Variants in RBM19 observed in about 807,000 individuals in gnomAD.
RBM19 encodes the protein probable RNA-binding protein 19.
Under a neutral mutation model 116.8 loss-of-function variants are expected in RBM19, and 94 were observed. The ratio of observed to expected loss-of-function variants is 0.80; its 90% confidence interval spans 0.68 to 0.95. The LOEUF (loss-of-function observed/expected upper bound fraction) is 0.95, where lower values mean the gene tolerates loss of function less well. RBM19 is among the 40% of genes least tolerant of loss of function. The probability of loss-of-function intolerance (pLI) is 0.00; values close to 1 mark genes in which losing one functional copy is unlikely to be tolerated. For synonymous variants in RBM19, 475 were observed against 494.1 expected (o/e 0.96, Z 0.51); for missense variants, 1,161 against 1,220.7 (o/e 0.95, Z 0.73).
In RBM19 at chr12:113,942,959, C is replaced by T. The variant is rs559996732; in HGVS notation, c.1627-525G>A. Among the ~76,000 whole-genome samples, 41 of 152,260 alleles carry T rather than the reference C, an allele frequency of 2.7e-4. No individual in the cohort carries two copies. In the South Asian group the frequency reaches 8.1e-3, roughly 30 times the overall value. ...GTCTCTCACAGTAGATCTGGGACCC[C>T]AGGGTCCCCTCTCCTGCACTCCCTC... On this transcript the variant is annotated intron_variant, in intron 13 of 23. Coordinates refer to ENST00000261741, the MANE Select transcript of RBM19 (RefSeq NM_016196.4).
intron 8 of RBM19, among the ~76,000 whole-genome samples, chr12:113,951,152 C>A (rs1871429922): frequency 6.6e-6 from 1 of 152,142 alleles, no homozygotes. Flanking sequence ...CTACTTCAGC[C>A]TCCTGAGTAG....
chr12:113,912,679 G>GC (rs568035665), intron 21 of RBM19, among the ~76,000 whole-genome samples: 117 of 152,340 alleles, frequency 7.7e-4, no homozygotes, highest in African/African-American at 2.7e-3. Context: ...CCCGCACACA[G>GC]CAAGCGTGTA....
intron 8 of RBM19, among the ~76,000 whole-genome samples, chr12:113,951,505 A>G (rs565983447): frequency 1.3e-5 from 2 of 151,930 alleles, no homozygotes; most frequent in South Asian, 4.2e-4. Context: ...CAACTTGGTG[A>G]GACAGGTTTA....
chr12:113,871,834 C>T (rs1593512322), intron 21 of RBM19, among the ~76,000 whole-genome samples: 1 of 152,206 alleles, frequency 6.6e-6, no homozygotes, highest in African/African-American at 2.4e-5. Context: ...GAGCGCCGCC[C>T]GGGAGGCAGC....
chr12:113,846,510 T>C (rs1876987091), intron 22 of RBM19, among the ~76,000 whole-genome samples: 1 of 152,172 alleles, frequency 6.6e-6, no homozygotes, highest in Non-Finnish European at 1.5e-5. Context: ...TGTCATTGGA[T>C]GGCCATGTGA....
chr12:113,869,520 T>C (rs1015767121), intron 21 of RBM19, among the ~76,000 whole-genome samples: 10 of 152,130 alleles, frequency 6.6e-5, no homozygotes, highest in African/African-American at 2.4e-4. Flanking sequence ...TCTCCCCCAC[T>C]TTCTCCCCCT....
At chr12:113,961,506 T>C (rs560112445) in intron 2 of RBM19, among the ~76,000 whole-genome samples, 9 of 152,234 alleles carry the variant, frequency 5.9e-5, no homozygotes, top group Non-Finnish European at 1.2e-4. Context: ...TCCTATCCTA[T>C]GGCCTTCTAT....
intron 14 of RBM19, among the ~76,000 whole-genome samples, chr12:113,940,640 G>C (rs746074956): frequency 2.6e-5 from 4 of 152,196 alleles, no homozygotes; most frequent in Non-Finnish European, 5.9e-5. Flanking sequence ...AGTGCTGCAG[G>C]CTTTCCCCTA....
chr12:113,948,625 T>C (rs1394407157), intron 10 of RBM19, among the ~76,000 whole-genome samples: 2 of 152,186 alleles, frequency 1.3e-5, no homozygotes, highest in South Asian at 2.1e-4. Context: ...TAATACCTTT[T>C]ACTTCCTGCC....
intron 23 of RBM19, among the ~76,000 whole-genome samples, chr12:113,833,123 G>C (rs867743816): frequency 6.6e-6 from 1 of 152,060 alleles, no homozygotes; most frequent in African/African-American, 2.4e-5. Flanking sequence ...ACTTCAACAC[G>C]TTCAGAACAC....
intron 21 of RBM19, among the ~76,000 whole-genome samples, chr12:113,892,400 G>A (rs1382181882): frequency 6.6e-6 from 1 of 152,178 alleles, no homozygotes; most frequent in Non-Finnish European, 1.5e-5. Flanking sequence ...GTTGCCCAGT[G>A]GGGACTGGGG....
chr12:113,960,764 A>C (rs576935430), intron 2 of RBM19, among the ~76,000 whole-genome samples: 1 of 152,300 alleles, frequency 6.6e-6, no homozygotes, highest in African/African-American at 2.4e-5. Flanking sequence ...TAATTATCAT[A>C]AAGTAAGCTC....
chr12:113,860,884 C>A (rs947720894), intron 21 of RBM19, among the ~76,000 whole-genome samples: 1 of 152,118 alleles, frequency 6.6e-6, no homozygotes, highest in Admixed American at 6.5e-5. Context: ...AGGGTAGAAG[C>A]CTGAAGGTGT....
At chr12:113,928,625 A>ATATGTGTG in intron 16 of RBM19, among the ~76,000 whole-genome samples, 1 of 120,426 alleles carries the variant, frequency 8.3e-6, no homozygotes, top group African/African-American at 3.0e-5. Flanking sequence ...TTAGCAAGGG[A>ATATGTGTG]TGTGTGTGTG....
intron 20 of RBM19, among the ~76,000 whole-genome samples, chr12:113,917,858 A>G (rs1294747044): frequency 6.6e-6 from 1 of 152,254 alleles, no homozygotes; most frequent in Admixed American, 6.5e-5. Context: ...ATAAATCTCC[A>G]AACAATCCCC....
chr12:113,948,883 A>G lies in RBM19; in HGVS notation c.1226T>C (p.Leu409Pro). Residue 409 changes from leucine (L) to proline (P), a missense_variant, in exon 10 of 24, where the codon CTG (leucine) becomes CCG (proline). Coordinates refer to ENST00000261741, the MANE Select transcript of RBM19 (RefSeq NM_016196.4). ...AESGRLFVRNLPYTSTEEDLE... is the reference protein window; with the variant it reads ...AESGRLFVRNPPYTSTEEDLE... ...ATCCTCCTCGGTGCTGGTGTAGGGC[A>G]GGTTCCGTACAAAGAGCCTTCCGGA... The G allele has an allele frequency of 6.2e-7, 1 of 1,614,200 alleles. No individual in the cohort carries two copies. The highest frequency in any genetic ancestry group is 8.5e-7 in the Non-Finnish European group (1 of 1,180,016).
At chr12:113,830,205 C>A (rs1875250414) in intron 23 of RBM19, among the ~76,000 whole-genome samples, 1 of 152,140 alleles carries the variant, frequency 6.6e-6, no homozygotes, top group South Asian at 2.1e-4. Flanking sequence ...ATGAACAGAC[C>A]CAGGCTATGT....
intron 21 of RBM19, among the ~76,000 whole-genome samples, chr12:113,897,992 G>A (rs1029537885): frequency 2.0e-5 from 3 of 152,170 alleles, no homozygotes; most frequent in Non-Finnish European, 4.4e-5. Flanking sequence ...AACTCCAATA[G>A]GTAAATTGCA....
chr12:113,930,668 A>T (rs1869522561), intron 16 of RBM19, among the ~76,000 whole-genome samples: 1 of 152,234 alleles, frequency 6.6e-6, no homozygotes, highest in Non-Finnish European at 1.5e-5. Context: ...GATGTGCTCA[A>T]AGGGGTCTGC....
Sources: gnomAD v4.1 joint callset for allele counts (sites outside exome capture counted in the v4.1 genomes callset) on GRCh38, gnomAD v4.1.1 for gene constraint, MANE v1.5 for transcripts, NCBI Gene and HGNC (gene_info 2026-07-23, HGNC 2026-07-21) for gene names.